The following MCF2L2 variants were observed in gnomAD, a reference collection of about 807,000 sequenced individuals.
MCF2L2 encodes the protein probable guanine nucleotide exchange factor MCF2L2.
MCF2L2 carries 102 observed loss-of-function variants against 150.2 expected under a neutral mutation model. That is an observed-to-expected ratio of 0.68 (90% CI 0.58 to 0.80). The LOEUF is 0.80. MCF2L2 is among the 30% of genes least tolerant of loss of function. The pLI, the probability that MCF2L2 is intolerant of heterozygous loss-of-function variation, is 0.00. For missense variants in MCF2L2, 1,256 were observed against 1,372.8 expected, an observed-to-expected ratio of 0.91 and a Z score of 1.34; for synonymous variants, 465 against 491.3, an observed-to-expected ratio of 0.95 and a Z score of 0.71.
Position 183,278,307 on chromosome 3 carries a change from G to A in MCF2L2, c.1777-1350C>T, listed in dbSNP as rs188388568. Among the ~76,000 whole-genome samples the A allele has an allele frequency of 1.5e-3, 224 of 150,622 alleles. 1 individual carries two copies. Among genetic ancestry groups the A allele is most frequent in the African/African-American group, 4.7e-3 (191 of 40,842 alleles). On this transcript the variant is annotated intron_variant, in intron 14 of 29. Coordinates refer to ENST00000328913, the MANE Select transcript of MCF2L2 (RefSeq NM_015078.4). ...ATTGTGTGTGTGTGTGTGTGTGTGT[G>A]TTATGATGTACTTCTTGTGAGTTGT... is the stretch of plus-strand genomic sequence containing the variant.
At chr3:183,253,058 C>A (rs1724645435) in intron 15 of MCF2L2, among the ~76,000 whole-genome samples, 1 of 152,184 alleles carries the variant, frequency 6.6e-6, no homozygotes, top group Non-Finnish European at 1.5e-5. Context: ...AATTAACTGA[C>A]GAGCGGCAGG....
intron 1 of MCF2L2, among the ~76,000 whole-genome samples, chr3:183,392,713 T>C (rs1000880793): frequency 4.6e-5 from 7 of 152,280 alleles, no homozygotes; most frequent in African/African-American, 1.7e-4. Context: ...TGACTGCAGA[T>C]ACACCCAGCC....
chr3:183,329,322 G>T (rs1485064129), intron 5 of MCF2L2, among the ~76,000 whole-genome samples: 1 of 152,084 alleles, frequency 6.6e-6, no homozygotes, highest in African/African-American at 2.4e-5. Flanking sequence ...AGAGTAGCTG[G>T]GACTACAGGC....
chr3:183,414,798 G>GT (rs112733434), intron 1 of MCF2L2, among the ~76,000 whole-genome samples: 18,721 of 152,070 alleles, frequency 0.12, 1,242 homozygotes, highest in East Asian at 0.2. Flanking sequence ...GTGAGTTCTT[G>GT]TTGACTCATT....
At chr3:183,222,760 C>A (rs6809709) in intron 20 of MCF2L2, among the ~76,000 whole-genome samples, 46,686 of 151,900 alleles carry the variant, frequency 0.31, 8,101 homozygotes, top group Middle Eastern at 0.45. Context: ...GAAAACCAGC[C>A]ATGATAGGCC....
chr3:183,270,701 G>A lies in MCF2L2; in HGVS notation c.1862+6171C>T, dbSNP rs375646254. The A allele has an allele frequency of 1.9e-6, 3 of 1,613,648 alleles. No homozygotes were observed. The highest frequency in any genetic ancestry group is 2.7e-5 in the African/African-American group (2 of 74,858). The stretch of plus-strand genomic sequence containing the variant: ...TAGGGATAGTACCGCAGGACCATGT[G>A]TTTTTTTCTGGAGAGGGTAAAACTC... On this transcript the variant is annotated intron_variant, in intron 15 of 29. Coordinates refer to ENST00000328913, the MANE Select transcript of MCF2L2 (RefSeq NM_015078.4). This position sits in a 1 kb window ranked among gnomAD's most constrained non-coding sequence, Gnocchi z 4.5.
chr3:183,270,393 C>T lies in MCF2L2; in HGVS notation c.1862+6479G>A. On this transcript the variant is annotated intron_variant, in intron 15 of 29. Coordinates refer to ENST00000328913, the MANE Select transcript of MCF2L2 (RefSeq NM_015078.4). The surrounding 1 kb of genome is among the most constrained non-coding windows in gnomAD (Gnocchi z 4.5). The stretch of plus-strand genomic sequence containing the variant: ...GACTGCTGATGATGACATATTTATT[C>T]ACATGCCAAATCTGATTGAGTACCT... 6.2e-7 allele frequency: 1 copy of T among 1,614,198 alleles called. No individual in the cohort carries two copies. The highest frequency in any genetic ancestry group is 8.5e-7 in the Non-Finnish European group (1 of 1,180,028).
intron 3 of MCF2L2, among the ~76,000 whole-genome samples, chr3:183,342,147 G>C (rs1378055821): frequency 1.3e-5 from 2 of 152,220 alleles, no homozygotes; most frequent in South Asian, 2.1e-4. Context: ...CAATATGCTT[G>C]AGAAGACATC....
chr3:183,393,676 T>C (rs1313885816), intron 1 of MCF2L2, among the ~76,000 whole-genome samples: 4 of 152,202 alleles, frequency 2.6e-5, no homozygotes, highest in Non-Finnish European at 4.4e-5. Flanking sequence ...ACAGACGGTA[T>C]CAAAGGCCAA....
chr3:183,249,592 C>T (rs899012040), intron 15 of MCF2L2, among the ~76,000 whole-genome samples: 36 of 152,214 alleles, frequency 2.4e-4, no homozygotes, highest in Non-Finnish European at 7.3e-5. Context: ...CTTGTGCTGT[C>T]AGTTCCCTTC....
At chr3:183,317,930 G>T in intron 7 of MCF2L2, 138 bp downstream of exon 7, 1 of 1,070,928 alleles carries the variant, frequency 9.3e-7, no homozygotes, top group Non-Finnish European at 1.3e-6. Context: ...GAAGGTTTAA[G>T]ATGATCAGTG....
At chr3:183,235,737 C>T in intron 15 of MCF2L2, among the ~76,000 whole-genome samples, 1 of 84,576 alleles carries the variant, frequency 1.2e-5, no homozygotes, top group South Asian at 4.4e-4. Flanking sequence ...CTTTTGTTGC[C>T]ATTGCTTTTG....
intron 5 of MCF2L2, among the ~76,000 whole-genome samples, chr3:183,327,770 A>C (rs1053332416): frequency 3.9e-5 from 6 of 152,338 alleles, no homozygotes; most frequent in African/African-American, 1.2e-4. Flanking sequence ...TCATAGATCT[A>C]AACATGAAAC....
In MCF2L2 at chr3:183,311,035, A is replaced by G. The variant is rs1409872366; in HGVS notation, c.879-6T>C. ...CATCCAGTTGAACTAATAACCTTTC[A>G]AGAAAGAATGAGAAAGTGATGTTAG... On this transcript the variant is annotated splice_region_variant and splice_polypyrimidine_tract_variant and intron_variant, in intron 8 of 29. Coordinates refer to ENST00000328913, the MANE Select transcript of MCF2L2 (RefSeq NM_015078.4). The G allele has an allele frequency of 1.9e-6, 3 of 1,563,458 alleles. No homozygotes were observed. Among genetic ancestry groups the G allele is most frequent in the Non-Finnish European group, 2.6e-6 (3 of 1,134,178 alleles).
intron 15 of MCF2L2, among the ~76,000 whole-genome samples, chr3:183,248,191 G>C (rs1724345103): frequency 6.6e-6 from 1 of 151,856 alleles, no homozygotes; most frequent in African/African-American, 2.4e-5. Flanking sequence ...CTCTTCCTAG[G>C]ATTCCTTAGC....
At position 183,181,172 on chromosome 3, in the gene MCF2L2, C is replaced by T. The variant is rs199753582; in HGVS notation, c.3017-1013G>A. Among the ~76,000 whole-genome samples the T allele has an allele frequency of 3.3e-5, 5 of 152,240 alleles. No individual in the cohort carries two copies. The highest frequency in any genetic ancestry group is 2.6e-4 in the Admixed American group (4 of 15,302). ...AGAGGCATGGCCAGAGGGCGGTAGG[C>T]GGCAGTGGAGGGAGCTGCAGTTATC... On this transcript the variant is annotated intron_variant, in intron 27 of 29. Coordinates refer to ENST00000328913, the MANE Select transcript of MCF2L2 (RefSeq NM_015078.4). The surrounding 1 kb of genome is among the most constrained non-coding windows in gnomAD (Gnocchi z 4.3).
chr3:183,191,826 G>A (rs1208237746), intron 27 of MCF2L2, among the ~76,000 whole-genome samples: 1 of 151,828 alleles, frequency 6.6e-6, no homozygotes, highest in Non-Finnish European at 1.5e-5. Flanking sequence ...GCCATTGTTT[G>A]TTTATTTATT....
intron 3 of MCF2L2, among the ~76,000 whole-genome samples, chr3:183,368,406 T>C (rs1228168411): frequency 6.6e-6 from 1 of 152,172 alleles, no homozygotes; most frequent in Non-Finnish European, 1.5e-5. Flanking sequence ...AAGTATTGTC[T>C]ATGGTTGCTT....
intron 15 of MCF2L2, chr3:183,276,567 T>C (rs895105741): frequency 4.7e-5 from 14 of 300,850 alleles, no homozygotes; most frequent in Non-Finnish European, 8.5e-5. Context: ...TTAAATGTGT[T>C]TAAACCAATA....
Sources: gnomAD v4.1 joint callset for allele counts (sites outside exome capture counted in the v4.1 genomes callset) on GRCh38, gnomAD v4.1.1 for gene constraint, Gnocchi (gnomAD v3.1) non-coding constraint, MANE v1.5 for transcripts, NCBI Gene and HGNC (gene_info 2026-07-23, HGNC 2026-07-21) for gene names.